LZTS1: variants seen among roughly 807,000 people sequenced by gnomAD.
LZTS1 encodes the protein leucine zipper putative tumor suppressor 1.
LZTS1 carries 31 observed loss-of-function variants against 45.8 expected under a neutral mutation model. The ratio of observed to expected loss-of-function variants is 0.68; its 90% CI spans 0.51 to 0.91. The LOEUF (loss-of-function observed/expected upper bound fraction) is 0.91, where lower values mean the gene tolerates loss of function less well. Among genes scored for constraint, LZTS1 ranks in the 40% least tolerant of loss-of-function variants. The pLI is 0.00. For missense variants in LZTS1, 821 were observed against 788.9 expected (o/e 1.04, Z -0.49); for synonymous variants, 359 against 357.3 (o/e 1.00, Z -0.05).
chr8:20,280,762 C>A (rs1800673673), intron 1 of LZTS1, among the ~76,000 whole-genome samples: 1 of 152,164 alleles, frequency 6.6e-6, no homozygotes, highest in South Asian at 2.1e-4. Context: ...ACAGACCCAG[C>A]TCTCCTCCTC....
At chr8:20,299,084 G>A (rs987619522) in intron 1 of LZTS1, among the ~76,000 whole-genome samples, 14 of 152,200 alleles carry the variant, frequency 9.2e-5, no homozygotes, top group African/African-American at 3.4e-4. Flanking sequence ...GTGGTGAGAG[G>A]TGAGAGGTTG....
At chr8:20,279,794 A>G (rs1800652856) in intron 1 of LZTS1, among the ~76,000 whole-genome samples, 1 of 151,630 alleles carries the variant, frequency 6.6e-6, no homozygotes, top group South Asian at 2.1e-4. Context: ...TGAGACCAGC[A>G]TGGGAAACAT....
rs145257360 is a variant in LZTS1 at position 20,303,237 on chromosome 8, C to G, written c.-135+503G>C. Among the ~76,000 whole-genome samples, 50 of 152,296 alleles carry G rather than the reference C, an allele frequency of 3.3e-4. No individual in the cohort carries two copies. In the East Asian group the frequency reaches 8.9e-3, roughly 27 times the overall value. On this transcript the variant is annotated intron_variant, in intron 1 of 3. Coordinates refer to ENST00000381569, the MANE Select transcript of LZTS1 (RefSeq NM_021020.5). ...TCCTTGAGGGAAACCTTTCAAATCT[C>G]TGGCTGCAACGCACCGGTGTCCTCC...
chr8:20,249,682 C>T lies in LZTS1; in HGVS notation c.*40G>A, dbSNP rs1799828908. The T allele has an allele frequency of 4.5e-6, 7 of 1,565,620 alleles. No homozygotes were observed. Among genetic ancestry groups the T allele is most frequent in the Non-Finnish European group, 6.0e-6 (7 of 1,160,234 alleles). ...GGGATGCACGGGAGAGCCCTGCCTC[C>T]CAGTGCCAGGTCCCCAGACTCGCCT... is the stretch of plus-strand genomic sequence containing the variant. On this transcript the variant is annotated 3_prime_UTR_variant, in exon 4 of 4. Transcript: ENST00000381569.
intron 1 of LZTS1, among the ~76,000 whole-genome samples, chr8:20,281,018 A>T (rs1800681556): frequency 6.6e-6 from 1 of 152,262 alleles, no homozygotes. Flanking sequence ...CTGCAATGGC[A>T]GCAAGAACAG....
rs1441090161 is a variant in LZTS1, at chr8:20,249,142, GTC to G, written c.*578_*579del. ...GGGTCTCCACACTGCTGGGCTGCCT[GTC>G]TCTCCCCTCCTTCCTGTGGCTTGCC... On this transcript the variant is annotated 3_prime_UTR_variant, in exon 4 of 4. Transcript: ENST00000381569. 1 of 153,754 alleles carries G rather than the reference GTC, an allele frequency of 6.5e-6. No homozygotes were observed. The highest frequency in any genetic ancestry group is 1.9e-4 in the East Asian group (1 of 5,192). The allele number at this position is 153,754 out of a possible 1,614,324, so 9.5% of individuals were successfully genotyped here.
intron 1 of LZTS1, chr8:20,290,262 G>A (rs1009561930): frequency 1.3e-5 from 2 of 152,244 alleles, no homozygotes; most frequent in African/African-American, 2.4e-5. Context: ...TTGGGTGGGA[G>A]AATGGAGAAA....
chr8:20,293,777 T>A lies in LZTS1; in HGVS notation c.-135+9963A>T, dbSNP rs910223630. 5.5e-4 allele frequency among the ~76,000 whole-genome samples: 83 copies of A among 152,020 alleles called. 1 individual carries two copies. Among genetic ancestry groups the A allele is most frequent in the East Asian group, 3.9e-4 (2 of 5,152 alleles). ...GCAAAACCTCATCTCTACAAAAAAA[T>A]TTAAAAATGGGCCAGGTATGGTGAT... On this transcript the variant is annotated intron_variant, in intron 1 of 3. Transcript: ENST00000381569.
chr8:20,284,594 G>T (rs562162380), intron 1 of LZTS1, among the ~76,000 whole-genome samples: 4 of 151,954 alleles, frequency 2.6e-5, no homozygotes, highest in African/African-American at 9.7e-5. Context: ...TCACTTTTAC[G>T]TGTACATTGT....
chr8:20,270,797 C>CTG (rs745917836), intron 1 of LZTS1, among the ~76,000 whole-genome samples: 25,701 of 99,056 alleles, frequency 0.26, 2,401 homozygotes, highest in East Asian at 0.43. Flanking sequence ...CGAGTGTGTC[C>CTG]TCTGTGTGTG....
rs1204348713 is a variant in LZTS1, at chr8:20,253,338, G to A, written c.593C>T (p.Thr198Ile). The change falls in exon 3 of 4, where the codon ACA becomes ATA. Residue 198 changes from threonine to isoleucine, a missense_variant. Coordinates refer to ENST00000381569, the MANE Select transcript of LZTS1 (RefSeq NM_021020.5). ...SSSYQLDPLVTPVGPTSRFGG... is the reference protein window; with the variant it reads ...SSSYQLDPLVIPVGPTSRFGG... ...AAAACGGCTTGTGGGTCCCACGGGT[G>A]TGACCAGCGGGTCCAGCTGGTAGCT... 10 of 1,613,554 alleles carry A rather than the reference G, an allele frequency of 6.2e-6. No homozygotes were observed. In the Admixed American group the frequency reaches 8.3e-5, roughly 13 times the overall value.
chr8:20,287,412 G>A (rs1209750335), intron 1 of LZTS1, among the ~76,000 whole-genome samples: 1 of 152,244 alleles, frequency 6.6e-6, no homozygotes, highest in Non-Finnish European at 1.5e-5. Context: ...AGAAGTAAAA[G>A]GTGAAAGTAA....
At chr8:20,260,618 AAGC>A (rs1189570961) in intron 1 of LZTS1, among the ~76,000 whole-genome samples, 1 of 152,202 alleles carries the variant, frequency 6.6e-6, no homozygotes, top group Non-Finnish European at 1.5e-5. Flanking sequence ...GAGGAATCAA[AAGC>A]AGACTTCTCT....
At chr8:20,256,865 G>C (rs1405459480) in intron 1 of LZTS1, among the ~76,000 whole-genome samples, 1 of 152,156 alleles carries the variant, frequency 6.6e-6, no homozygotes, top group South Asian at 2.1e-4. Context: ...AAGTGGCTAT[G>C]AGACTAGATG....
At position 20,246,874 on chromosome 8, in the gene LZTS1, AGG is replaced by A. The variant is rs1799744937; in HGVS notation, c.*2846_*2847del. 6.6e-6 allele frequency: 1 copy of A among 152,388 alleles called. No individual in the cohort carries two copies. The highest frequency in any genetic ancestry group is 6.5e-5 in the Admixed American group (1 of 15,288). 9.4% of individuals were successfully genotyped at this position (152,388 alleles called of 1,614,324 possible). A position where few individuals can be genotyped will look rare whatever the true frequency, so the allele number is the denominator to read the frequency against. ...CGGCCAGCAGGCGTGCCCAGAGGGA[AGG>A]GCAGGAAGCCCACCCTGTCTGGGGC... On this transcript the variant is annotated 3_prime_UTR_variant, in exon 4 of 4. Coordinates refer to ENST00000381569, the MANE Select transcript of LZTS1 (RefSeq NM_021020.5).
intron 1 of LZTS1, among the ~76,000 whole-genome samples, chr8:20,280,507 G>C (rs944391410): frequency 2.6e-5 from 4 of 152,178 alleles, no homozygotes; most frequent in African/African-American, 9.7e-5. Flanking sequence ...CCACATGCAC[G>C]GAGGCGCGTG....
intron 1 of LZTS1, among the ~76,000 whole-genome samples, chr8:20,275,467 G>A (rs533424639): frequency 6.6e-5 from 10 of 151,946 alleles, no homozygotes; most frequent in East Asian, 5.8e-4. Context: ...TCCCCCACCC[G>A]GGAGAAGCTT....
At chr8:20,285,754 G>C (rs892635537) in intron 1 of LZTS1, among the ~76,000 whole-genome samples, 18 of 152,188 alleles carry the variant, frequency 1.2e-4, no homozygotes, top group Admixed American at 4.6e-4. Flanking sequence ...GAAGAACTAA[G>C]CTGGAGGGTG....
Position 20,253,217 on chromosome 8 carries a change from C to A in LZTS1, c.714G>T (p.Lys238Asn). 3 of 1,613,896 alleles carry A rather than the reference C, an allele frequency of 1.9e-6. No individual in the cohort carries two copies. Among genetic ancestry groups the A allele is most frequent in the Non-Finnish European group, 2.5e-6 (3 of 1,180,046 alleles). Residue 238 changes from lysine to asparagine, a missense_variant, in exon 3 of 4, where the codon AAG becomes AAT. Coordinates refer to ENST00000381569, the MANE Select transcript of LZTS1 (RefSeq NM_021020.5). ...KALSFSDGGSKLGHSNKADKG... is the reference protein window; with the variant it reads ...KALSFSDGGSNLGHSNKADKG... ...TGTCTGCCTTGTTCGAGTGGCCCAG[C>A]TTGCTACCTCCGTCGGAGAAGGACA...
Sources: allele counts gnomAD v4.1 joint callset (sites outside exome capture counted in the v4.1 genomes callset), GRCh38; gene constraint gnomAD v4.1.1; transcripts MANE v1.5; gene names NCBI Gene and HGNC (gene_info 2026-07-23, HGNC 2026-07-21).